The following ATP6V1G3 variants were observed in gnomAD, a reference collection of about 807,000 sequenced individuals.
The protein encoded by ATP6V1G3 is V-type proton ATPase subunit G 3.
In ATP6V1G3, 9 loss-of-function variants were observed where a neutral mutation model predicts 9.3. The observed-to-expected ratio is 0.97, with a 90% CI of 0.59 to 1.69. ATP6V1G3 has a LOEUF of 1.69. Among genes scored for constraint, ATP6V1G3 ranks in the 40% most tolerant of loss-of-function variants. The pLI is 0.00. For missense variants in ATP6V1G3, 133 were observed against 139.0 expected (o/e 0.96, Z 0.22); for synonymous variants, 43 against 43.8 (o/e 0.98, Z 0.07).
In ATP6V1G3 at chr1:198,536,804, A is replaced by G. The variant is rs1571720810; in HGVS notation, c.82+3765T>C. On this transcript the variant is annotated intron_variant, in intron 1 of 2. Coordinates refer to ENST00000367382, the MANE Select transcript of ATP6V1G3 (RefSeq NM_001376861.1). Reference sequence around the variant, plus strand: ...TTCTATCATTATTACTTACAGTAACATACAAAAATACATGACATATATTAA... The same window carrying G: ...TTCTATCATTATTACTTACAGTAACGTACAAAAATACATGACATATATTAA... The G allele has an allele frequency of 8.4e-6, 9 of 1,072,254 alleles. No individual in the cohort carries two copies. In the South Asian group the frequency reaches 1.3e-4, roughly 16 times the overall value. 66.4% of individuals were successfully genotyped at this position (1,072,254 alleles called of 1,614,324 possible).
chr1:198,534,959 T>G (rs1660047936), intron 1 of ATP6V1G3, among the ~76,000 whole-genome samples: 1 of 152,194 alleles, frequency 6.6e-6, no homozygotes, highest in Non-Finnish European at 1.5e-5. Context: ...CTTTGGTGAC[T>G]GTCACTGCTA....
chr1:198,523,794 A>T (rs1310424905), intron 2 of ATP6V1G3, among the ~76,000 whole-genome samples: 1 of 152,176 alleles, frequency 6.6e-6, no homozygotes, highest in East Asian at 1.9e-4. Context: ...ACCAACCTCC[A>T]CATGGTACAA....
intron 2 of ATP6V1G3, among the ~76,000 whole-genome samples, chr1:198,528,324 T>C (rs1221643721): frequency 6.6e-6 from 1 of 152,252 alleles, no homozygotes; most frequent in East Asian, 1.9e-4. Flanking sequence ...GATTTCCAAA[T>C]TGCTAATAAT....
rs1490072787 is a variant in ATP6V1G3 at position 198,529,062 on chromosome 1, T to C, written c.183+19A>G. On this transcript the variant is annotated intron_variant, in intron 2 of 2. Coordinates refer to ENST00000367382, the MANE Select transcript of ATP6V1G3 (RefSeq NM_001376861.1). ...CTTATCTATTCTGCATAAGAAACAG[T>C]GCTGACTTTCTTACTCACCTTAGAT... 3.3e-6 allele frequency: 4 copies of C among 1,212,618 alleles called. No individual in the cohort carries two copies. The South Asian group carries it at 5.1e-5, about 15-fold the overall frequency. 75.1% of individuals were successfully genotyped at this position (1,212,618 alleles called of 1,614,324 possible).
chr1:198,536,833 T>C (rs1040207981), intron 1 of ATP6V1G3: 1 of 864,292 alleles, frequency 1.2e-6, no homozygotes, highest in Non-Finnish European at 1.8e-6. Flanking sequence ...ATATTAAAAA[T>C]AAAAATAACT....
intron 1 of ATP6V1G3, among the ~76,000 whole-genome samples, 153 bp from the exon 2 acceptor site, chr1:198,529,334 T>C (rs113528496): frequency 6.6e-6 from 1 of 151,116 alleles, no homozygotes; most frequent in Non-Finnish European, 1.5e-5. Context: ...TTAGTTTTTT[T>C]AAAATAGATA....
chr1:198,536,610 T>C, intron 1 of ATP6V1G3: 1 of 1,333,968 alleles, frequency 7.5e-7, no homozygotes, highest in Non-Finnish European at 1.0e-6. Flanking sequence ...GAGTGAGAGC[T>C]TTAACTAATA....
chr1:198,529,149 C>T lies in ATP6V1G3; in HGVS notation c.115G>A (p.Glu39Lys). The T allele has an allele frequency of 6.9e-7, 1 of 1,448,874 alleles. No individual in the cohort carries two copies. The highest frequency in any genetic ancestry group is 9.2e-7 in the Non-Finnish European group (1 of 1,091,224). 89.8% of individuals were successfully genotyped at this position (1,448,874 alleles called of 1,614,324 possible). A position where few individuals can be genotyped will look rare whatever the true frequency, so the allele number is the denominator to read the frequency against. ...KGKRLKQAKE[E>K]AMVEIDQYRM... ...TACTGGTCAATTTCTACCATTGCTT[C>T]CTCCTTGGCTTGCTTCAATCGCTTT... Residue 39 changes from glutamate (E) to lysine (K), a missense_variant, in exon 2 of 3, where the codon GAA becomes AAA. Physicochemically the swap from Glu to Lys is moderately conservative, Grantham distance 56 (BLOSUM62 1). Coordinates refer to ENST00000367382, the MANE Select transcript of ATP6V1G3 (RefSeq NM_001376861.1).
intron 1 of ATP6V1G3, among the ~76,000 whole-genome samples, chr1:198,535,978 T>C (rs1660093955): frequency 6.8e-6 from 1 of 148,148 alleles, no homozygotes; most frequent in African/African-American, 2.6e-5. Context: ...ATTTTTCTCA[T>C]ATCCAGATTA....
intron 2 of ATP6V1G3, among the ~76,000 whole-genome samples, chr1:198,525,539 C>T (rs1659618817): frequency 6.6e-6 from 1 of 152,012 alleles, no homozygotes; most frequent in East Asian, 1.9e-4. Flanking sequence ...ATATGAGCCA[C>T]AAAGGCAACT....
intron 1 of ATP6V1G3, 29 bp from the exon 2 acceptor site, chr1:198,529,210 A>T (rs999751998): frequency 2.3e-6 from 1 of 431,702 alleles, no homozygotes. Context: ...ATATATATAT[A>T]TATATAATTA....
Position 198,523,322 on chromosome 1 carries a change from A to T in ATP6V1G3, c.*69T>A. Reference sequence around the variant, plus strand: ...CTCATTTCAAATTTCTCAACATAAAAATACGAAGCCATAAGCAACCAGGTG... The same window carrying T: ...CTCATTTCAAATTTCTCAACATAAATATACGAAGCCATAAGCAACCAGGTG... On this transcript the variant is annotated 3_prime_UTR_variant, in exon 3 of 3. Coordinates refer to ENST00000367382, the MANE Select transcript of ATP6V1G3 (RefSeq NM_001376861.1). 6.9e-7 allele frequency: 1 copy of T among 1,454,922 alleles called. No homozygotes were observed. The highest frequency in any genetic ancestry group is 9.3e-7 in the Non-Finnish European group (1 of 1,073,138). The allele number at this position is 1,454,922 out of a possible 1,614,324, so 90.1% of individuals were successfully genotyped here. A position where few individuals can be genotyped will look rare whatever the true frequency, so the allele number is the denominator to read the frequency against.
intron 1 of ATP6V1G3, 113 bp downstream of exon 1, chr1:198,540,456 G>T: frequency 9.7e-7 from 1 of 1,033,312 alleles, no homozygotes; most frequent in Non-Finnish European, 1.5e-6. Flanking sequence ...CTCACAGGGA[G>T]TACAGTAAAC....
chr1:198,530,111 A>G (rs1659838021), intron 1 of ATP6V1G3, among the ~76,000 whole-genome samples: 1 of 152,142 alleles, frequency 6.6e-6, no homozygotes, highest in Non-Finnish European at 1.5e-5. Context: ...GAAATTCTGA[A>G]CTACATTAAA....
At chr1:198,525,165 A>G (rs1659605114) in intron 2 of ATP6V1G3, among the ~76,000 whole-genome samples, 1 of 152,234 alleles carries the variant, frequency 6.6e-6, no homozygotes, top group Non-Finnish European at 1.5e-5. Flanking sequence ...ATTTTAAAAT[A>G]GAAGAGAACT....
intron 1 of ATP6V1G3, among the ~76,000 whole-genome samples, chr1:198,530,525 C>CTAAATA (rs1659855868): frequency 6.6e-6 from 1 of 152,142 alleles, no homozygotes; most frequent in Non-Finnish European, 1.5e-5. Flanking sequence ...CTGGGAAGTC[C>CTAAATA]TCATTCAGAA....
intron 1 of ATP6V1G3, among the ~76,000 whole-genome samples, chr1:198,531,167 A>G (rs540708493): frequency 1.8e-4 from 28 of 152,184 alleles, no homozygotes; most frequent in African/African-American, 6.5e-4. Context: ...ATTCAATTAA[A>G]TGGGAGAGCC....
chr1:198,530,399 TC>T (rs2103135529), intron 1 of ATP6V1G3, among the ~76,000 whole-genome samples: 1 of 152,318 alleles, frequency 6.6e-6, no homozygotes, highest in African/African-American at 2.4e-5. Flanking sequence ...TCAATTTCTT[TC>T]CCTTCTAAGT....
chr1:198,535,170 T>C (rs1660057274), intron 1 of ATP6V1G3, among the ~76,000 whole-genome samples: 1 of 152,110 alleles, frequency 6.6e-6, no homozygotes, highest in South Asian at 2.1e-4. Flanking sequence ...CCTGAAGAAA[T>C]GAAAGCCCAA....
Sources: gnomAD v4.1 joint callset for allele counts (sites outside exome capture counted in the v4.1 genomes callset) on GRCh38, gnomAD v4.1.1 for gene constraint, MANE v1.5 for transcripts, NCBI Gene and HGNC (gene_info 2026-07-23, HGNC 2026-07-21) for gene names.